Variants in PTPRD observed in about 807,000 individuals in gnomAD.
The protein encoded by PTPRD is receptor-type tyrosine-protein phosphatase delta.
Under a neutral mutation model 214.5 loss-of-function variants are expected in PTPRD, and 34 were observed. The ratio of observed to expected loss-of-function variants is 0.16; its 90% CI spans 0.12 to 0.21. The LOEUF is 0.21. Among genes scored for constraint, PTPRD ranks in the 10% least tolerant of loss-of-function variants. PTPRD has a pLI of 1.00. For missense variants in PTPRD, 2,545 were observed against 2,398.7 expected (o/e 1.06, Z -1.27); for synonymous variants, 1,128 against 845.7 (o/e 1.33, Z -5.79).
intron 2 of PTPRD, among the ~76,000 whole-genome samples, chr9:10,382,445 T>G (rs1212333669): frequency 6.6e-6 from 1 of 151,908 alleles, no homozygotes; most frequent in African/African-American, 2.4e-5. Context: ...CCATTAGCCA[T>G]TTTTATTTCC....
chr9:9,734,284 C>T (rs1360998223), intron 7 of PTPRD, among the ~76,000 whole-genome samples: 1 of 151,996 alleles, frequency 6.6e-6, no homozygotes, highest in African/African-American at 2.4e-5. Context: ...ACAAATGCTC[C>T]CTCTGTTTGG....
Position 8,484,162 on chromosome 9 carries a change from T to A in PTPRD, c.3370A>T (p.Ile1124Phe), listed in dbSNP as rs2135759293. 1 of 1,614,196 alleles carries A rather than the reference T, an allele frequency of 6.2e-7. No individual in the cohort carries two copies. The highest frequency in any genetic ancestry group is 2.2e-5 in the East Asian group (1 of 44,876). ...GGTACTTCAGGCAGTTGCACAGTAA[T>A]CATGCCATCCAAGTTGGTCTTCCCA... ...FIGKTNLDGM[I>F]TVQLPEVPAN... The change falls in exon 30 of 46, where the codon ATT (isoleucine) becomes TTT (phenylalanine). Residue 1124 changes from isoleucine to phenylalanine, a missense_variant. Coordinates refer to ENST00000381196, the MANE Select transcript of PTPRD (RefSeq NM_002839.4).
chr9:8,906,869 G>T (rs1388062703), intron 11 of PTPRD, among the ~76,000 whole-genome samples: 1 of 151,972 alleles, frequency 6.6e-6, no homozygotes, highest in Non-Finnish European at 1.5e-5. Context: ...ACACATCCCC[G>T]GCTGACTGCA....
intron 8 of PTPRD, among the ~76,000 whole-genome samples, chr9:9,490,806 G>C (rs746208455): frequency 2.6e-5 from 4 of 151,658 alleles, no homozygotes; most frequent in Non-Finnish European, 4.4e-5. Flanking sequence ...CAGGAAATGA[G>C]GGACAAGAAA....
intron 8 of PTPRD, among the ~76,000 whole-genome samples, chr9:9,568,045 T>C (rs2085139474): frequency 6.6e-6 from 1 of 151,646 alleles, no homozygotes; most frequent in Non-Finnish European, 1.5e-5. Context: ...AGGACAAACC[T>C]AAGATAGGAC....
intron 9 of PTPRD, among the ~76,000 whole-genome samples, chr9:9,307,344 G>C (rs1957455666): frequency 6.6e-6 from 1 of 152,156 alleles, no homozygotes; most frequent in Non-Finnish European, 1.5e-5. Context: ...AGCTTAGAAA[G>C]TGAAGAAACC....
intron 3 of PTPRD, among the ~76,000 whole-genome samples, chr9:10,227,092 C>T (rs2099591351): frequency 6.6e-6 from 1 of 151,934 alleles, no homozygotes; most frequent in Admixed American, 6.6e-5. Context: ...TTGACTATCA[C>T]ACGAAAAATT....
rs531015113 is a variant in PTPRD, at chr9:8,687,379, T to C, written c.64+46401A>G. Among the ~76,000 whole-genome samples, 11 of 152,326 alleles carry C rather than the reference T, an allele frequency of 7.2e-5. No individual in the cohort carries two copies. The East Asian group carries it at 1.2e-3, about 16-fold the overall frequency. ...TCTAACAGATTCAGAAATAAAACTATGGCATTTTCAAAGGAAAACCAATAT... is the reference window on the plus strand; with the variant it reads ...TCTAACAGATTCAGAAATAAAACTACGGCATTTTCAAAGGAAAACCAATAT... On this transcript the variant is annotated intron_variant, in intron 12 of 45. Coordinates refer to ENST00000381196, the MANE Select transcript of PTPRD (RefSeq NM_002839.4).
At chr9:8,845,665 G>C (rs992396920) in intron 11 of PTPRD, among the ~76,000 whole-genome samples, 2 of 152,154 alleles carry the variant, frequency 1.3e-5, no homozygotes, top group African/African-American at 2.4e-5. Context: ...AGTAACACTG[G>C]GTTTCAGAAA....
chr9:9,381,198 A>G (rs1365296565), intron 9 of PTPRD, among the ~76,000 whole-genome samples: 1 of 152,030 alleles, frequency 6.6e-6, no homozygotes, highest in Non-Finnish European at 1.5e-5. Flanking sequence ...CATTATTGAT[A>G]TAGTTGTTTT....
At chr9:8,535,401 T>C (rs763034232) in intron 14 of PTPRD, among the ~76,000 whole-genome samples, 14 of 151,938 alleles carry the variant, frequency 9.2e-5, no homozygotes, top group Admixed American at 1.3e-4. Flanking sequence ...ATACCCTCTT[T>C]TCCCTTTGAA....
At chr9:9,963,779 T>C (rs1264366993) in intron 4 of PTPRD, among the ~76,000 whole-genome samples, 2 of 152,132 alleles carry the variant, frequency 1.3e-5, no homozygotes, top group East Asian at 3.9e-4. Context: ...ATGGCTTCAA[T>C]TTAGTTCCTG....
intron 8 of PTPRD, among the ~76,000 whole-genome samples, chr9:9,462,121 G>A (rs1589072954): frequency 1.3e-5 from 2 of 151,918 alleles, no homozygotes; most frequent in Admixed American, 6.6e-5. Context: ...GCAAATAGTC[G>A]ACTCACAATA....
intron 8 of PTPRD, among the ~76,000 whole-genome samples, chr9:9,429,581 T>G (rs1298378028): frequency 6.6e-6 from 1 of 152,154 alleles, no homozygotes; most frequent in Non-Finnish European, 1.5e-5. Flanking sequence ...TACCAAAGCC[T>G]GGCAGAGAAA....
chr9:8,845,773 G>C (rs929413886), intron 11 of PTPRD, among the ~76,000 whole-genome samples: 5 of 151,916 alleles, frequency 3.3e-5, no homozygotes, highest in Admixed American at 2.0e-4. Flanking sequence ...TTTACCACCA[G>C]CATATTTTCC....
At chr9:9,143,278 G>GA (rs1314470226) in intron 10 of PTPRD, among the ~76,000 whole-genome samples, 1 of 152,134 alleles carries the variant, frequency 6.6e-6, no homozygotes, top group African/African-American at 2.4e-5. Flanking sequence ...TTGATACATA[G>GA]AAAATGAAAT....
chr9:8,838,639 T>G lies in PTPRD; in HGVS notation c.-103-104693A>C, dbSNP rs145704494. Among the ~76,000 whole-genome samples the G allele has an allele frequency of 2.5e-3, 377 of 152,210 alleles. 1 individual carries two copies. Among genetic ancestry groups the G allele is most frequent in the African/African-American group, 8.7e-3 (361 of 41,522 alleles). On this transcript the variant is annotated intron_variant, in intron 11 of 45. Coordinates refer to ENST00000381196, the MANE Select transcript of PTPRD (RefSeq NM_002839.4). ...AGATTTTTTTTTTACATTCTATGTGTATATAACTCTTGGTTGTGAATTTAT... is the reference window on the plus strand; with the variant it reads ...AGATTTTTTTTTTACATTCTATGTGGATATAACTCTTGGTTGTGAATTTAT...
chr9:9,204,911 T>G (rs1458327267), intron 9 of PTPRD, among the ~76,000 whole-genome samples: 2 of 152,160 alleles, frequency 1.3e-5, no homozygotes, highest in Non-Finnish European at 2.9e-5. Context: ...ATAAGACAAC[T>G]TATTGTTCCT....
At chr9:8,435,515 T>G (rs1486688662) in intron 35 of PTPRD, among the ~76,000 whole-genome samples, 1 of 152,170 alleles carries the variant, frequency 6.6e-6, no homozygotes, top group East Asian at 1.9e-4. Flanking sequence ...CTTTTATTAT[T>G]TGGTATATCT....
Sources: allele counts gnomAD v4.1 joint callset (sites outside exome capture counted in the v4.1 genomes callset), GRCh38; gene constraint gnomAD v4.1.1; transcripts MANE v1.5; gene names NCBI Gene and HGNC (gene_info 2026-07-23, HGNC 2026-07-21).